STX16: variants seen among roughly 807,000 people sequenced by gnomAD.
STX16 encodes the protein syntaxin 16, also known as syntaxin-16.
STX16 carries 28 observed loss-of-function variants against 42.7 expected under a neutral mutation model. That is an observed-to-expected ratio of 0.66 (90% CI 0.49 to 0.90). The LOEUF is 0.90. Ranked by LOEUF, STX16 falls within the 40% of genes least tolerant of loss-of-function variation. The probability of loss-of-function intolerance (pLI) is 0.00; values close to 1 mark genes in which losing one functional copy is unlikely to be tolerated. For missense variants in STX16, 361 were observed against 420.9 expected (o/e 0.86, Z 1.24); for synonymous variants, 156 against 155.2 (o/e 1.00, Z -0.04).
intron 1 of STX16, among the ~76,000 whole-genome samples, chr20:58,654,088 G>GT (rs77920950): frequency 6.6e-6 from 1 of 151,998 alleles, no homozygotes; most frequent in Admixed American, 6.6e-5. Context: ...CTAACTCACA[G>GT]TTTTTTGAAA....
intron 7 of STX16, 59 bp from the exon 8 acceptor site, chr20:58,673,572 G>T: frequency 1.7e-6 from 2 of 1,168,120 alleles, no homozygotes; most frequent in South Asian, 2.5e-5. Flanking sequence ...TCTCATTTTT[G>T]ACGTTCAGTT....
chr20:58,654,420 C>T (rs2083542390), intron 1 of STX16, among the ~76,000 whole-genome samples: 1 of 152,200 alleles, frequency 6.6e-6, no homozygotes, highest in Admixed American at 6.5e-5. Context: ...TACATCTTCA[C>T]TTTGCTTACA....
chr20:58,660,601 A>G (rs1388915285), intron 2 of STX16, among the ~76,000 whole-genome samples: 2 of 152,096 alleles, frequency 1.3e-5, no homozygotes, highest in East Asian at 3.8e-4. Context: ...ACCCTCTGTA[A>G]CAGGTAAATA....
chr20:58,659,761 CT>C, intron 2 of STX16, 127 bp downstream of exon 2: 2 of 990,962 alleles, frequency 2.0e-6, no homozygotes, highest in Non-Finnish European at 3.0e-6. Context: ...GTTTTGATTA[CT>C]TTATAATTTT....
At chr20:58,671,338 ATAC>A (rs774478082) in intron 7 of STX16, 41 bp downstream of exon 7, 1 of 1,571,152 alleles carries the variant, frequency 6.4e-7, no homozygotes, top group Non-Finnish European at 8.6e-7. Context: ...TTTTCCTGCC[ATAC>A]TATCTGTACC....
intron 2 of STX16, among the ~76,000 whole-genome samples, chr20:58,663,620 T>G (rs1016498807): frequency 5.9e-5 from 9 of 151,744 alleles, no homozygotes; most frequent in Non-Finnish European, 1.0e-4. Flanking sequence ...TTAAGTACAA[T>G]TTTTATTTAA....
At chr20:58,652,172 C>G in intron 1 of STX16, 34 bp downstream of exon 1, 1 of 1,611,786 alleles carries the variant, frequency 6.2e-7, no homozygotes, top group Middle Eastern at 1.7e-4. Flanking sequence ...GACACACGGA[C>G]CGTGTGCACT....
chr20:58,666,428 T>G (rs1402317538), intron 2 of STX16, among the ~76,000 whole-genome samples: 18 of 146,114 alleles, frequency 1.2e-4, no homozygotes, highest in African/African-American at 2.5e-4. Flanking sequence ...TGTGTGTTTT[T>G]TTTTTTTTTT....
In STX16 at chr20:58,678,571, C is replaced by G. The variant is rs1163859273; in HGVS notation, c.*2280C>G. On this transcript the variant is annotated 3_prime_UTR_variant, in exon 9 of 9. Transcript: ENST00000371141. ...AGGAGAATAGCTTGAACCCGGGAGG[C>G]AGAGGTTGCAGTGAGCCGAGATCAC... is the stretch of plus-strand genomic sequence containing the variant. 6.9e-6 allele frequency: 1 copy of G among 144,752 alleles called. No homozygotes were observed. The highest frequency in any genetic ancestry group is 2.1e-4 in the East Asian group (1 of 4,868). The allele number at this position is 144,752 out of a possible 1,614,324, so 9.0% of individuals were successfully genotyped here.
At chr20:58,662,166 A>G (rs1477292126) in intron 2 of STX16, among the ~76,000 whole-genome samples, 1 of 152,228 alleles carries the variant, frequency 6.6e-6, no homozygotes, top group Non-Finnish European at 1.5e-5. Flanking sequence ...TTTAAACTCA[A>G]GAATTATTTT....
In STX16 at chr20:58,671,396, T is replaced by G. The variant is rs139646284; in HGVS notation, c.792+99T>G. 285 of 1,248,620 alleles carry G rather than the reference T, an allele frequency of 2.3e-4. 1 individual carries two copies. The East Asian group carries it at 6.7e-3, about 29-fold the overall frequency. 77.3% of individuals were successfully genotyped at this position (1,248,620 alleles called of 1,614,324 possible). Reference sequence around the variant, plus strand: ...TTCAGGGAAAAAAATTGGAGCCAATTTTCCCAACATGTGTGTGCACCTGTC... The same window carrying G: ...TTCAGGGAAAAAAATTGGAGCCAATGTTCCCAACATGTGTGTGCACCTGTC... On this transcript the variant is annotated intron_variant, in intron 7 of 8. Coordinates refer to ENST00000371141, the MANE Select transcript of STX16 (RefSeq NM_001001433.3).
chr20:58,663,203 T>C (rs1272726394), intron 2 of STX16, among the ~76,000 whole-genome samples: 2 of 152,130 alleles, frequency 1.3e-5, no homozygotes, highest in African/African-American at 4.8e-5. Flanking sequence ...GGGGAGGAGG[T>C]GTAGCTGACT....
chr20:58,664,696 G>T (rs1417598310), intron 2 of STX16, among the ~76,000 whole-genome samples: 1 of 152,186 alleles, frequency 6.6e-6, no homozygotes, highest in Non-Finnish European at 1.5e-5. Context: ...TTCATATGTG[G>T]TTTATAATTT....
intron 8 of STX16, among the ~76,000 whole-genome samples, chr20:58,675,925 G>A (rs937614312): frequency 1.3e-5 from 2 of 152,204 alleles, no homozygotes; most frequent in Non-Finnish European, 2.9e-5. Context: ...TCACTTCCCT[G>A]TCAGGCTTTG....
intron 6 of STX16, among the ~76,000 whole-genome samples, chr20:58,670,883 G>C (rs1440695922): frequency 6.6e-6 from 1 of 152,166 alleles, no homozygotes; most frequent in Non-Finnish European, 1.5e-5. Flanking sequence ...GCTATCCCGG[G>C]GGTTTTGTTT....
At chr20:58,661,280 G>A (rs2083692538) in intron 2 of STX16, among the ~76,000 whole-genome samples, 1 of 152,260 alleles carries the variant, frequency 6.6e-6, no homozygotes, top group Non-Finnish European at 1.5e-5. Flanking sequence ...GGGGTCTGCT[G>A]TCTGAACCGA....
chr20:58,652,174 G>C (rs771591802), intron 1 of STX16, 36 bp downstream of exon 1: 1 of 1,611,150 alleles, frequency 6.2e-7, no homozygotes, highest in Non-Finnish European at 8.5e-7. Context: ...CACACGGACC[G>C]TGTGCACTGC....
chr20:58,659,544 T>C (rs2122927355), intron 1 of STX16, 79 bp from the exon 2 acceptor site: 1 of 1,437,982 alleles, frequency 7.0e-7, no homozygotes, highest in South Asian at 1.3e-5. Flanking sequence ...CCATGCCTTG[T>C]CTGTCTGTCT....
chr20:58,672,320 G>A (rs1301208019), intron 7 of STX16, among the ~76,000 whole-genome samples: 4 of 152,002 alleles, frequency 2.6e-5, no homozygotes, highest in Admixed American at 6.6e-5. Context: ...CAACAAGAGT[G>A]AAACTCTGTC....
Sources: allele counts gnomAD v4.1 joint callset (sites outside exome capture counted in the v4.1 genomes callset), GRCh38; gene constraint gnomAD v4.1.1; transcripts MANE v1.5; gene names NCBI Gene and HGNC (gene_info 2026-07-23, HGNC 2026-07-21).